The following KIAA1328 variants were observed in gnomAD, a reference collection of about 807,000 sequenced individuals.
The protein encoded by KIAA1328 is protein hinderin.
Under a neutral mutation model 68.1 loss-of-function variants are expected in KIAA1328, and 52 were observed. That is an observed-to-expected ratio of 0.76 (90% confidence interval 0.61 to 0.96). The LOEUF (loss-of-function observed/expected upper bound fraction) is 0.96. Ranked by LOEUF, KIAA1328 falls within the 40% of genes least tolerant of loss-of-function variation. The probability of loss-of-function intolerance (pLI) is 0.00; values close to 1 mark genes in which losing one functional copy is unlikely to be tolerated. For missense variants in KIAA1328, 641 were observed against 677.6 expected (o/e 0.95, Z 0.60); for synonymous variants, 232 against 239.4 (o/e 0.97, Z 0.28).
rs185992631 is a variant in KIAA1328, at chr18:37,005,503, G to A, written c.576+46068G>A. 1.5e-3 allele frequency among the ~76,000 whole-genome samples: 226 copies of A among 151,904 alleles called. 6 individuals carry two copies. Among genetic ancestry groups the A allele is most frequent in the Admixed American group, 0.013 (195 of 15,234 alleles). Reference sequence around the variant, plus strand: ...AAAGAGAACTCTTATACTGTTGGTGGGAGTGTAAAGTAGTACAGCCACTAA... The same window carrying A: ...AAAGAGAACTCTTATACTGTTGGTGAGAGTGTAAAGTAGTACAGCCACTAA... On this transcript the variant is annotated intron_variant, in intron 6 of 9. Coordinates refer to ENST00000280020, the MANE Select transcript of KIAA1328 (RefSeq NM_020776.3).
intron 6 of KIAA1328, among the ~76,000 whole-genome samples, chr18:36,977,956 G>A (rs531117518): frequency 3.3e-5 from 5 of 151,896 alleles, no homozygotes; most frequent in African/African-American, 1.2e-4. Flanking sequence ...GCTAATTTTT[G>A]TAATTTTAGT....
intron 6 of KIAA1328, among the ~76,000 whole-genome samples, chr18:37,027,007 T>A (rs1165839000): frequency 1.3e-5 from 2 of 152,232 alleles, no homozygotes; most frequent in East Asian, 3.8e-4. Flanking sequence ...CTTAAGCTGA[T>A]AAGCAACTTT....
At chr18:36,954,716 C>CGGAGTTTTGGTCTTGTTGCCCAGGCTGGA (rs2051332069) in intron 5 of KIAA1328, among the ~76,000 whole-genome samples, 1 of 137,586 alleles carries the variant, frequency 7.3e-6, no homozygotes, top group Non-Finnish European at 1.5e-5. Context: ...CTTTTTGAGA[C>CGGAGTTTTGGTCTTGTTGCCCAGGCTGGA]GGAGTTTTGG....
intron 9 of KIAA1328, among the ~76,000 whole-genome samples, chr18:37,217,498 C>T (rs1169738352): frequency 6.6e-6 from 1 of 152,174 alleles, no homozygotes; most frequent in Non-Finnish European, 1.5e-5. Flanking sequence ...TATTGGCCCC[C>T]ACTCTCTTCT....
intron 7 of KIAA1328, among the ~76,000 whole-genome samples, chr18:37,150,955 C>G (rs1245810821): frequency 4.6e-5 from 7 of 152,062 alleles, no homozygotes; most frequent in African/African-American, 1.7e-4. Flanking sequence ...CTGGGAGGTT[C>G]TGGTGTGATC....
At chr18:36,994,067 G>A (rs1776331572) in intron 6 of KIAA1328, among the ~76,000 whole-genome samples, 2 of 151,812 alleles carry the variant, frequency 1.3e-5, no homozygotes, top group South Asian at 2.1e-4. Flanking sequence ...GGACATCTAG[G>A]ATAGACTTAG....
Position 37,160,366 on chromosome 18 carries a change from T to TGTA in KIAA1328, c.1401_1403dup (p.Cys467_Arg468insSer). The TGTA allele has an allele frequency of 6.2e-7, 1 of 1,613,082 alleles. No homozygotes were observed. The highest frequency in any genetic ancestry group is 8.5e-7 in the Non-Finnish European group (1 of 1,179,386). On this transcript the variant is annotated inframe_insertion, in exon 8 of 10. Transcript: ENST00000280020. The stretch of plus-strand genomic sequence containing the variant: ...GTGGTCATGTCAAAAGAAAGATACA[T>TGTA]GTAGACCCCAAAGAGGTAAGTTTAA...
At chr18:37,218,468 T>G (rs553563819) in intron 9 of KIAA1328, among the ~76,000 whole-genome samples, 1 of 152,316 alleles carries the variant, frequency 6.6e-6, no homozygotes, top group East Asian at 1.9e-4. Context: ...TGTATTCATA[T>G]GGGAAACATG....
chr18:36,829,396 A>T lies in KIAA1328; in HGVS notation c.58+200A>T, dbSNP rs1433572151. Reference sequence around the variant, plus strand: ...TGGCCGAGAGACTGGTACTGTCTGCAGGTGTGGGGACACGGCTCAGATGCT... The same window carrying T: ...TGGCCGAGAGACTGGTACTGTCTGCTGGTGTGGGGACACGGCTCAGATGCT... On this transcript the variant is annotated intron_variant, in intron 1 of 9. Transcript: ENST00000280020. The T allele has an allele frequency of 2.4e-5, 32 of 1,355,326 alleles. No homozygotes were observed. The Middle Eastern group carries it at 8.1e-4, about 34-fold the overall frequency. The allele number at this position is 1,355,326 out of a possible 1,614,324, so 84.0% of individuals were successfully genotyped here. A position where few individuals can be genotyped will look rare whatever the true frequency, so the allele number is the denominator to read the frequency against.
intron 7 of KIAA1328, among the ~76,000 whole-genome samples, chr18:37,108,393 A>G (rs1395983306): frequency 6.6e-6 from 1 of 152,108 alleles, no homozygotes; most frequent in Non-Finnish European, 1.5e-5. Flanking sequence ...GTAGTTAAAA[A>G]ACTACCTGTT....
chr18:37,062,517 G>A (rs1459477215), intron 6 of KIAA1328, among the ~76,000 whole-genome samples: 1 of 151,038 alleles, frequency 6.6e-6, no homozygotes, highest in African/African-American at 2.4e-5. Context: ...GTGCAGTGGC[G>A]CAATCTTGTT....
At chr18:36,904,956 T>C (rs1448361407) in intron 5 of KIAA1328, among the ~76,000 whole-genome samples, 1 of 152,090 alleles carries the variant, frequency 6.6e-6, no homozygotes, top group African/African-American at 2.4e-5. Context: ...TATACTACTT[T>C]AGCTACTTTA....
intron 9 of KIAA1328, among the ~76,000 whole-genome samples, chr18:37,193,191 G>T (rs967997519): frequency 1.3e-5 from 2 of 152,110 alleles, no homozygotes; most frequent in Non-Finnish European, 2.9e-5. Context: ...TATGTATGAA[G>T]ACTTAACTTG....
intron 7 of KIAA1328, among the ~76,000 whole-genome samples, chr18:37,070,459 G>A (rs544125258): frequency 2.1e-4 from 32 of 151,950 alleles, no homozygotes; most frequent in Middle Eastern, 3.4e-3. Flanking sequence ...AGTTCTATTA[G>A]TATTTGTTTT....
chr18:36,981,716 A>T (rs991295078), intron 6 of KIAA1328, among the ~76,000 whole-genome samples: 6 of 151,234 alleles, frequency 4.0e-5, no homozygotes, highest in African/African-American at 1.5e-4. Context: ...CCTCTCAAGT[A>T]ACTGGGACTC....
intron 5 of KIAA1328, among the ~76,000 whole-genome samples, chr18:36,952,417 T>TA (rs202225723): frequency 2.3e-4 from 35 of 151,600 alleles, no homozygotes; most frequent in Admixed American, 1.2e-3. Flanking sequence ...CTTTTTTTTT[T>TA]AAAAAATGTA....
intron 6 of KIAA1328, among the ~76,000 whole-genome samples, chr18:37,009,270 C>G (rs563584707): frequency 6.6e-6 from 1 of 152,120 alleles, no homozygotes; most frequent in South Asian, 2.1e-4. Context: ...ATAACAGTGT[C>G]CCTAGTTAAA....
At chr18:36,847,102 A>G (rs1233868909) in intron 4 of KIAA1328, among the ~76,000 whole-genome samples, 2 of 151,454 alleles carry the variant, frequency 1.3e-5, no homozygotes, top group Non-Finnish European at 3.0e-5. Flanking sequence ...GTGTATGAGT[A>G]CTCATTTTTT....
intron 5 of KIAA1328, among the ~76,000 whole-genome samples, chr18:36,905,816 A>G (rs555701997): frequency 4.6e-5 from 7 of 152,284 alleles, no homozygotes; most frequent in African/African-American, 1.7e-4. Flanking sequence ...TTAAGTTGGC[A>G]GCTAAACATG....
Sources: gnomAD v4.1 joint callset for allele counts (sites outside exome capture counted in the v4.1 genomes callset) on GRCh38, gnomAD v4.1.1 for gene constraint, MANE v1.5 for transcripts, NCBI Gene and HGNC (gene_info 2026-07-23, HGNC 2026-07-21) for gene names.